The following ARB2A variants were observed in gnomAD, a reference collection of about 807,000 sequenced individuals.
ARB2A encodes cotranscriptional regulator ARB2A.
chr5:94,111,695 G>C, the ARB2A span: 2 of 152,384 alleles, frequency 1.3e-5, no homozygotes, highest in African/African-American at 4.8e-5. Flanking sequence ...GCACTTGACG[G>C]CAGCGGCGGC....
the ARB2A span, among the ~76,000 whole-genome samples, chr5:94,012,199 A>G: frequency 8.6e-4 from 131 of 152,298 alleles, no homozygotes; most frequent in East Asian, 1.9e-3. Flanking sequence ...TCAGGAGATC[A>G]AGACCATCCT....
chr5:93,823,080 T>C, the ARB2A span, among the ~76,000 whole-genome samples: 3 of 152,318 alleles, frequency 2.0e-5, no homozygotes, highest in East Asian at 5.8e-4. Context: ...TGTCTCTGGT[T>C]CAATGTCCAC....
chr5:93,766,652 CT>C, the ARB2A span, among the ~76,000 whole-genome samples: 2 of 152,112 alleles, frequency 1.3e-5, no homozygotes, highest in African/African-American at 2.4e-5. Flanking sequence ...GGATCTAGAA[CT>C]AGAAATACCA....
the ARB2A span, among the ~76,000 whole-genome samples, chr5:93,759,538 A>G: frequency 6.6e-6 from 1 of 152,204 alleles, no homozygotes; most frequent in Non-Finnish European, 1.5e-5. Flanking sequence ...TATCAAAAAG[A>G]GAATCCACCA....
chr5:94,050,216 A>AGGTGT, the ARB2A span, among the ~76,000 whole-genome samples: 1 of 148,974 alleles, frequency 6.7e-6, no homozygotes, highest in South Asian at 2.1e-4. Context: ...TTGGGATTAT[A>AGGTGT]GGTGTGAGCC....
chr5:93,867,391 T>G, the ARB2A span, among the ~76,000 whole-genome samples: 1 of 152,164 alleles, frequency 6.6e-6, no homozygotes. Flanking sequence ...GAAATAACAA[T>G]TATCAGACAT....
the ARB2A span, among the ~76,000 whole-genome samples, chr5:93,708,664 T>G: frequency 2.0e-5 from 3 of 152,150 alleles, no homozygotes; most frequent in Non-Finnish European, 4.4e-5. Context: ...CACCTCCTGC[T>G]GTGTGACCCA....
chr5:94,012,326 C>T, the ARB2A span, among the ~76,000 whole-genome samples: 2 of 152,160 alleles, frequency 1.3e-5, no homozygotes, highest in Admixed American at 6.5e-5. Flanking sequence ...GGCGTGAACC[C>T]GGGAGGCGGG....
the ARB2A span, among the ~76,000 whole-genome samples, chr5:94,065,157 A>C: frequency 2.0e-5 from 3 of 152,234 alleles, no homozygotes; most frequent in South Asian, 6.2e-4. Context: ...GCCCAACTAC[A>C]TGCTGACTAC....
chr5:94,015,654 T>C, the ARB2A span, among the ~76,000 whole-genome samples: 24 of 152,246 alleles, frequency 1.6e-4, no homozygotes, highest in South Asian at 5.0e-3. Flanking sequence ...AAAGTCAAAA[T>C]TGGGGGTTAT....
the ARB2A span, among the ~76,000 whole-genome samples, chr5:93,767,145 T>G: frequency 6.6e-6 from 1 of 152,084 alleles, no homozygotes; most frequent in Admixed American, 6.6e-5. Flanking sequence ...CACATGTAAC[T>G]AACCTGCACG....
chr5:93,777,262 A>C, the ARB2A span, among the ~76,000 whole-genome samples: 1 of 152,064 alleles, frequency 6.6e-6, no homozygotes, highest in South Asian at 2.1e-4. Context: ...TACATATGTA[A>C]CTAACCTGCA....
chr5:94,031,596 A>C, the ARB2A span, among the ~76,000 whole-genome samples: 3 of 152,254 alleles, frequency 2.0e-5, no homozygotes, highest in Admixed American at 2.0e-4. Context: ...AGAATGAAAT[A>C]GCATGTTCAG....
chr5:93,847,981 T>TCC, the ARB2A span, among the ~76,000 whole-genome samples: 1 of 152,230 alleles, frequency 6.6e-6, no homozygotes, highest in Non-Finnish European at 1.5e-5. Context: ...AGAAATGTTA[T>TCC]TTAAAACAGT....
chr5:93,675,163 A>G, the ARB2A span, among the ~76,000 whole-genome samples: 10 of 152,168 alleles, frequency 6.6e-5, no homozygotes, highest in African/African-American at 2.4e-4. Flanking sequence ...GAAAATGATT[A>G]TTATTAAAAC....
chr5:93,955,621 T>C, the ARB2A span, among the ~76,000 whole-genome samples: 1 of 152,254 alleles, frequency 6.6e-6, no homozygotes, highest in East Asian at 1.9e-4. Flanking sequence ...ATTTAAACTT[T>C]TACTTTTTTA....
At chr5:93,670,904 T>C in the ARB2A span, among the ~76,000 whole-genome samples, 7 of 152,342 alleles carry the variant, frequency 4.6e-5, no homozygotes, top group African/African-American at 7.2e-5. Flanking sequence ...AATAATTCTC[T>C]AATTATTTTT....
the ARB2A span, among the ~76,000 whole-genome samples, chr5:93,834,605 G>A: frequency 6.6e-6 from 1 of 152,042 alleles, no homozygotes; most frequent in Admixed American, 6.6e-5. Flanking sequence ...AATATTTGCA[G>A]CCTTCTACAA....
chr5:93,779,116 T>C, the ARB2A span, among the ~76,000 whole-genome samples: 1 of 148,798 alleles, frequency 6.7e-6, no homozygotes, highest in South Asian at 2.1e-4. Context: ...TGTGTGTGTG[T>C]GTGTGTGTGC....
Sources: gnomAD v4.1 joint callset for allele counts (sites outside exome capture counted in the v4.1 genomes callset) on GRCh38, gnomAD v4.1.1 for gene constraint, MANE v1.5 for transcripts, NCBI Gene and HGNC (gene_info 2026-07-23, HGNC 2026-07-21) for gene names.